EYS: variants seen among roughly 807,000 people sequenced by gnomAD.
The protein encoded by EYS is protein eyes shut homolog.
EYS carries 250 observed loss-of-function variants against 282.1 expected under a neutral mutation model. The observed-to-expected ratio is 0.89, with a 90% confidence interval of 0.80 to 0.98. The LOEUF (loss-of-function observed/expected upper bound fraction) is 0.98. EYS is among the 50% of genes least tolerant of loss of function. The pLI is 0.00. For synonymous variants in EYS, 1,355 were observed against 1,282.9 expected (o/e 1.06, Z -1.20); for missense variants, 4,016 against 3,709.0 (o/e 1.08, Z -2.15).
intron 24 of EYS, among the ~76,000 whole-genome samples, chr6:64,614,946 C>T (rs1298486997): frequency 6.6e-6 from 1 of 152,084 alleles, no homozygotes. Context: ...CTGCAACGTC[C>T]AGTGTTGTCT....
At chr6:64,011,989 T>TCCTCTCCTC (rs1768656499) in intron 33 of EYS, among the ~76,000 whole-genome samples, 1 of 134,494 alleles carries the variant, frequency 7.4e-6, no homozygotes, top group African/African-American at 3.2e-5. Flanking sequence ...TAATAAGTTT[T>TCCTCTCCTC]TCCTCTCCTC....
intron 36 of EYS, among the ~76,000 whole-genome samples, chr6:63,815,663 G>A (rs1771160072): frequency 6.6e-6 from 1 of 152,072 alleles, no homozygotes; most frequent in African/African-American, 2.4e-5. Context: ...ATATACCAAT[G>A]AATTTATCAG....
intron 31 of EYS, among the ~76,000 whole-genome samples, chr6:64,107,551 C>T (rs1351798976): frequency 1.3e-5 from 2 of 151,628 alleles, no homozygotes; most frequent in Non-Finnish European, 2.9e-5. Flanking sequence ...AGATTGTGCC[C>T]ACCAGATAAA....
chr6:65,234,050 A>G (rs1194117657), intron 12 of EYS, among the ~76,000 whole-genome samples: 1 of 152,004 alleles, frequency 6.6e-6, no homozygotes, highest in Non-Finnish European at 1.5e-5. Flanking sequence ...TGTGTATATT[A>G]TGGGTCTACT....
chr6:64,063,987 G>GT (rs1156402171), intron 33 of EYS, among the ~76,000 whole-genome samples: 1 of 151,982 alleles, frequency 6.6e-6, no homozygotes, highest in African/African-American at 2.4e-5. Context: ...CTCCCAAATG[G>GT]TTTTTTCATG....
intron 36 of EYS, among the ~76,000 whole-genome samples, chr6:63,841,644 T>C (rs1186354716): frequency 6.6e-6 from 1 of 152,198 alleles, no homozygotes; most frequent in Non-Finnish European, 1.5e-5. Flanking sequence ...AGTTCTGGGA[T>C]ACATGTGCAG....
At chr6:64,589,671 C>T (rs1233970931) in intron 26 of EYS, among the ~76,000 whole-genome samples, 2 of 151,940 alleles carry the variant, frequency 1.3e-5, no homozygotes, top group Non-Finnish European at 2.9e-5. Context: ...TCAATTTTTG[C>T]ATAGTGCTTT....
At chr6:65,504,777 T>A (rs916914490) in intron 2 of EYS, among the ~76,000 whole-genome samples, 18 of 151,632 alleles carry the variant, frequency 1.2e-4, no homozygotes, top group African/African-American at 4.1e-4. Flanking sequence ...AATAAAAAAA[T>A]TATTATTCTT....
intron 12 of EYS, among the ~76,000 whole-genome samples, chr6:65,143,331 T>A (rs1041320282): frequency 2.0e-5 from 3 of 151,874 alleles, no homozygotes; most frequent in Admixed American, 6.6e-5. Flanking sequence ...CAAACAAATC[T>A]AATTTGTGGT....
Position 64,365,380 on chromosome 6 carries a change from A to G in EYS, c.6078+23310T>C, listed in dbSNP as rs183439240. Among the ~76,000 whole-genome samples, 4 of 152,090 alleles carry G rather than the reference A, an allele frequency of 2.6e-5. No homozygotes were observed. In the East Asian group the frequency reaches 7.8e-4, roughly 30 times the overall value. On this transcript the variant is annotated intron_variant, in intron 29 of 42. Transcript: ENST00000503581. ...TCAAGAGAGCTCTTAGAGAGGAGAG[A>G]GGGGAACTATCAACTAGAACATCAC...
chr6:65,324,394 T>C (rs1006694082), intron 11 of EYS, among the ~76,000 whole-genome samples: 11 of 152,164 alleles, frequency 7.2e-5, no homozygotes, highest in African/African-American at 9.7e-5. Context: ...GATTTCCAGT[T>C]CACATCTTCA....
At chr6:64,120,096 C>A (rs1175999012) in intron 31 of EYS, among the ~76,000 whole-genome samples, 1 of 151,506 alleles carries the variant, frequency 6.6e-6, no homozygotes, top group Non-Finnish European at 1.5e-5. Flanking sequence ...ACCTGTAATC[C>A]CAGCACTTTG....
At chr6:64,482,412 G>A (rs779896777) in intron 26 of EYS, among the ~76,000 whole-genome samples, 4 of 151,762 alleles carry the variant, frequency 2.6e-5, no homozygotes, top group African/African-American at 4.8e-5. Flanking sequence ...GTGTAAGTTA[G>A]CCAGGGATTT....
chr6:64,240,205 T>C (rs923529678), intron 30 of EYS, among the ~76,000 whole-genome samples: 1 of 152,214 alleles, frequency 6.6e-6, no homozygotes, highest in African/African-American at 2.4e-5. Context: ...CCAGGCTTGT[T>C]CTTTTTGCTT....
rs1167094477 is a variant in EYS at position 64,958,734 on chromosome 6, CAAAAAAAAAAAA to C, written c.2260-12832_2260-12821del. On this transcript the variant is annotated intron_variant, in intron 14 of 42. Coordinates refer to ENST00000503581, the MANE Select transcript of EYS (RefSeq NM_001142800.2). ...TGGGCGACAAAACGAGACTCCGTCT[CAAAAAAAAAAAA>C]AAAAAAAAAAAAAAAAAGAAACAAT... 7.4e-4 allele frequency among the ~76,000 whole-genome samples: 38 copies of C among 51,676 alleles called. No homozygotes were observed. In the East Asian group the frequency reaches 9.2e-3, roughly 13 times the overall value. The allele number at this position is 51,676 out of a possible 152,430, so 33.9% of individuals were successfully genotyped here.
At chr6:65,275,396 T>A (rs549911098) in intron 12 of EYS, among the ~76,000 whole-genome samples, 1 of 152,294 alleles carries the variant, frequency 6.6e-6, no homozygotes, top group African/African-American at 2.4e-5. Context: ...TAGCAGCACT[T>A]CATCATCAAA....
intron 19 of EYS, among the ~76,000 whole-genome samples, chr6:64,868,092 C>A (rs2150052377): frequency 6.6e-6 from 1 of 151,300 alleles, no homozygotes; most frequent in Non-Finnish European, 1.5e-5. Context: ...AAAACATTGT[C>A]TTTATTAATT....
At chr6:65,068,124 A>C (rs1045024486) in intron 12 of EYS, among the ~76,000 whole-genome samples, 1 of 152,084 alleles carries the variant, frequency 6.6e-6, no homozygotes, top group Non-Finnish European at 1.5e-5. Flanking sequence ...CTTATACTAA[A>C]GATTTTATTG....
intron 35 of EYS, among the ~76,000 whole-genome samples, chr6:63,891,594 A>G (rs1417686740): frequency 6.6e-6 from 1 of 152,188 alleles, no homozygotes; most frequent in Non-Finnish European, 1.5e-5. Context: ...TCTCAAAATA[A>G]TAAGAGCTAT....
Sources: gnomAD v4.1 joint callset for allele counts (sites outside exome capture counted in the v4.1 genomes callset) on GRCh38, gnomAD v4.1.1 for gene constraint, MANE v1.5 for transcripts, NCBI Gene and HGNC (gene_info 2026-07-23, HGNC 2026-07-21) for gene names.